Variants in KIAA0319 observed in about 807,000 individuals in gnomAD.
KIAA0319 encodes dyslexia-associated protein KIAA0319.
A neutral mutation model predicts 108.4 loss-of-function variants in KIAA0319; 83 were observed. That is an observed-to-expected ratio of 0.77 (90% confidence interval 0.64 to 0.92). The LOEUF is 0.92. Among genes scored for constraint, KIAA0319 ranks in the 40% least tolerant of loss-of-function variants. The probability of loss-of-function intolerance (pLI) is 0.00; values close to 1 mark genes in which losing one functional copy is unlikely to be tolerated. For missense variants in KIAA0319, 1,195 were observed against 1,322.4 expected (o/e 0.90, Z 1.49); for synonymous variants, 484 against 510.4 (o/e 0.95, Z 0.70).
intron 1 of KIAA0319, among the ~76,000 whole-genome samples, chr6:24,643,997 C>T (rs1460160271): frequency 2.0e-5 from 3 of 152,244 alleles, no homozygotes; most frequent in Non-Finnish European, 4.4e-5. Context: ...AACGGGCATA[C>T]CTGGCTCTAC....
chr6:24,606,262 AT>A (rs1481497780), intron 1 of KIAA0319, among the ~76,000 whole-genome samples: 1 of 151,810 alleles, frequency 6.6e-6, no homozygotes, highest in Non-Finnish European at 1.5e-5. Context: ...GACTCCTCAT[AT>A]TTCTGGCCAT....
Position 24,578,246 on chromosome 6 carries a change from C to T in KIAA0319, c.1373-4G>A, listed in dbSNP as rs749827413. On this transcript the variant is annotated splice_region_variant and splice_polypyrimidine_tract_variant and intron_variant, in intron 8 of 20. Coordinates refer to ENST00000378214, the MANE Select transcript of KIAA0319 (RefSeq NM_014809.4). ...ATTTCAGTATCATCTGTACTTTCTA[C>T]AAGATTAAGAAATAAAGACAAGAAT... 1.3e-6 allele frequency: 2 copies of T among 1,576,106 alleles called. No homozygotes were observed. The highest frequency in any genetic ancestry group is 1.7e-6 in the Non-Finnish European group (2 of 1,153,030).
At chr6:24,574,813 T>C (rs1765231159) in intron 10 of KIAA0319, among the ~76,000 whole-genome samples, 1 of 152,148 alleles carries the variant, frequency 6.6e-6, no homozygotes, top group Non-Finnish European at 1.5e-5. Context: ...AAAAAAATAC[T>C]TTCCCCTACT....
intron 1 of KIAA0319, among the ~76,000 whole-genome samples, chr6:24,612,972 T>C (rs1166407289): frequency 6.6e-6 from 1 of 152,182 alleles, no homozygotes; most frequent in Non-Finnish European, 1.5e-5. Context: ...CTAATTTTTT[T>C]GTATTTTTAG....
chr6:24,550,316 G>A (rs1285585707), intron 20 of KIAA0319, among the ~76,000 whole-genome samples: 1 of 152,222 alleles, frequency 6.6e-6, no homozygotes, highest in African/African-American at 2.4e-5. Flanking sequence ...CCCGGTGCCT[G>A]TGCACAAGGT....
rs768853553 is a variant in KIAA0319 at position 24,578,248 on chromosome 6, A to G, written c.1373-6T>C. The G allele has an allele frequency of 2.5e-6, 4 of 1,572,450 alleles. No homozygotes were observed. Among genetic ancestry groups the G allele is most frequent in the Non-Finnish European group, 3.5e-6 (4 of 1,149,876 alleles). On this transcript the variant is annotated splice_region_variant and splice_polypyrimidine_tract_variant and intron_variant, in intron 8 of 20. Coordinates refer to ENST00000378214, the MANE Select transcript of KIAA0319 (RefSeq NM_014809.4). ...TTCAGTATCATCTGTACTTTCTACA[A>G]GATTAAGAAATAAAGACAAGAATGA...
At chr6:24,598,410 G>A (rs1770080367) in intron 2 of KIAA0319, 3 of 600,734 alleles carry the variant, frequency 5.0e-6, no homozygotes, top group Admixed American at 3.8e-5. Context: ...GGAGCCTCCT[G>A]CAGCAGCAGA....
At position 24,568,764 on chromosome 6, in the gene KIAA0319, A is replaced by T. The variant is rs1764251449; in HGVS notation, c.2140+17T>A. 1.2e-6 allele frequency: 2 copies of T among 1,611,480 alleles called. No individual in the cohort carries two copies. Among genetic ancestry groups the T allele is most frequent in the East Asian group, 2.2e-5 (1 of 44,832 alleles). ...AAGCAGAGCAGGCCCAGCCCTGTCC[A>T]CCTCAGACCCACTCACCCTTCTTCA... On this transcript the variant is annotated intron_variant, in intron 13 of 20. Coordinates refer to ENST00000378214, the MANE Select transcript of KIAA0319 (RefSeq NM_014809.4).
chr6:24,562,237 T>C (rs572794706), intron 16 of KIAA0319, among the ~76,000 whole-genome samples: 3 of 152,262 alleles, frequency 2.0e-5, no homozygotes. Context: ...AGCTAAGGAT[T>C]TATCAATTTT....
Position 24,599,126 on chromosome 6 carries a change from C to T in KIAA0319, c.55+1923G>A. On this transcript the variant is annotated intron_variant, in intron 2 of 20. Coordinates refer to ENST00000378214, the MANE Select transcript of KIAA0319 (RefSeq NM_014809.4). The surrounding 1 kb of genome is among the most constrained non-coding windows in gnomAD (Gnocchi z 4.1). ...ACAGCTGGTCCCTGGACATGGACAGCATCATTGCTGAGGTCAAGGCCCAGT... is the reference window on the plus strand; with the variant it reads ...ACAGCTGGTCCCTGGACATGGACAGTATCATTGCTGAGGTCAAGGCCCAGT... 6.1e-6 allele frequency: 4 copies of T among 656,004 alleles called. No homozygotes were observed. Among genetic ancestry groups the T allele is most frequent in the South Asian group, 1.8e-5 (1 of 56,660 alleles). The allele number at this position is 656,004 out of a possible 1,614,324, so 40.6% of individuals were successfully genotyped here.
At chr6:24,604,353 A>T (rs966054239) in intron 1 of KIAA0319, among the ~76,000 whole-genome samples, 1 of 152,180 alleles carries the variant, frequency 6.6e-6, no homozygotes, top group Non-Finnish European at 1.5e-5. Flanking sequence ...CATTTATTCA[A>T]CTGCCCAAGG....
chr6:24,600,760 C>A, intron 2 of KIAA0319: 1 of 1,039,992 alleles, frequency 9.6e-7, no homozygotes, highest in Non-Finnish European at 1.4e-6. Context: ...CTGGCCTTTC[C>A]AGCCAGATCT....
intron 1 of KIAA0319, among the ~76,000 whole-genome samples, chr6:24,632,344 T>C (rs1775686249): frequency 6.6e-6 from 1 of 152,236 alleles, no homozygotes; most frequent in African/African-American, 2.4e-5. Flanking sequence ...AACAGGTATA[T>C]AGAATATTCT....
intron 1 of KIAA0319, among the ~76,000 whole-genome samples, chr6:24,635,593 T>G (rs1776097300): frequency 6.6e-6 from 1 of 152,228 alleles, no homozygotes; most frequent in Non-Finnish European, 1.5e-5. Context: ...CTTCCATTCC[T>G]GGCTTTGAAG....
At chr6:24,543,152 T>C (rs1274099385), downstream of KIAA0319, among the ~76,000 whole-genome samples, 9 of 152,218 alleles carry the variant, frequency 5.9e-5, no homozygotes, top group Non-Finnish European at 1.3e-4. Context: ...CAGTTGCTAA[T>C]GGAGTGAGTT....
intron 16 of KIAA0319, among the ~76,000 whole-genome samples, chr6:24,559,746 C>T (rs1187399226): frequency 6.6e-6 from 1 of 152,134 alleles, no homozygotes; most frequent in Non-Finnish European, 1.5e-5. Context: ...AAAATTCACG[C>T]TTCTAAAGTG....
chr6:24,542,664 G>A (rs188004772), downstream of KIAA0319, among the ~76,000 whole-genome samples: 3 of 152,180 alleles, frequency 2.0e-5, no homozygotes, highest in Admixed American at 6.5e-5. Context: ...GCAGTGAGCC[G>A]TGATGGTGCC....
intron 1 of KIAA0319, among the ~76,000 whole-genome samples, chr6:24,618,497 C>T (rs1467783196): frequency 6.6e-6 from 1 of 151,834 alleles, no homozygotes; most frequent in East Asian, 1.9e-4. Context: ...ACTTGTAGTC[C>T]CTGCTACTCA....
intron 1 of KIAA0319, among the ~76,000 whole-genome samples, chr6:24,639,286 G>A (rs1367518936): frequency 6.6e-6 from 1 of 152,162 alleles, no homozygotes; most frequent in African/African-American, 2.4e-5. Context: ...ACGAAAGACA[G>A]ATAATCTTAA....
Sources: allele counts gnomAD v4.1 joint callset (sites outside exome capture counted in the v4.1 genomes callset), GRCh38; gene constraint gnomAD v4.1.1; non-coding constraint Gnocchi (gnomAD v3.1); transcripts MANE v1.5; gene names NCBI Gene and HGNC (gene_info 2026-07-23, HGNC 2026-07-21).